Variants in TRMT9B observed in about 807,000 individuals in gnomAD.
TRMT9B encodes the protein tRNA methyltransferase 9B (putative), also known as probable tRNA methyltransferase 9B.
Under a neutral mutation model 11.5 loss-of-function variants are expected in TRMT9B, and 16 were observed. The ratio of observed to expected loss-of-function variants is 1.39; its 90% CI spans 0.94 to 2.11. The LOEUF is 2.11. Ranked by LOEUF, TRMT9B falls within the 30% of genes most tolerant of loss-of-function variation. The pLI, the probability that TRMT9B is intolerant of heterozygous loss-of-function variation, is 0.00. For synonymous variants in TRMT9B, 274 were observed against 192.4 expected (o/e 1.42, Z -3.51); for missense variants, 941 against 553.8 (o/e 1.70, Z -7.02).
At chr8:13,011,850 T>A in intron 3 of TRMT9B, 2 of 973,414 alleles carry the variant, frequency 2.1e-6, no homozygotes, top group Non-Finnish European at 2.4e-6. Flanking sequence ...ATGTTAAAAA[T>A]TCTTTTCTAA....
At chr8:12,982,918 T>C (rs1805651204) in intron 1 of TRMT9B, among the ~76,000 whole-genome samples, 1 of 152,194 alleles carries the variant, frequency 6.6e-6, no homozygotes, top group Non-Finnish European at 1.5e-5. Context: ...GCTATCTATG[T>C]TTTCCTCGCA....
chr8:12,950,265 G>A (rs1800489909), intron 1 of TRMT9B, among the ~76,000 whole-genome samples: 1 of 152,168 alleles, frequency 6.6e-6, no homozygotes, highest in Non-Finnish European at 1.5e-5. Flanking sequence ...AAAAGTTAAG[G>A]TAGGTTACTT....
intron 2 of TRMT9B, among the ~76,000 whole-genome samples, chr8:13,002,694 T>C (rs1163450211): frequency 6.6e-6 from 1 of 152,206 alleles, no homozygotes; most frequent in Non-Finnish European, 1.5e-5. Context: ...TCGGTGATAC[T>C]TGTAGTAATA....
At chr8:12,975,616 T>C (rs1804329090) in intron 1 of TRMT9B, among the ~76,000 whole-genome samples, 1 of 152,140 alleles carries the variant, frequency 6.6e-6, no homozygotes, top group Non-Finnish European at 1.5e-5. Context: ...CATGTGTCTG[T>C]AATCCCAGCT....
chr8:12,976,510 C>T (rs11997789), intron 1 of TRMT9B, among the ~76,000 whole-genome samples: 53,079 of 151,520 alleles, frequency 0.35, 9,678 homozygotes, highest in Middle Eastern at 0.54. Flanking sequence ...GAGGCAGAAG[C>T]GGGCGGATCA....
chr8:12,956,489 T>A (rs777849961), intron 1 of TRMT9B, among the ~76,000 whole-genome samples: 5 of 152,210 alleles, frequency 3.3e-5, no homozygotes, highest in Non-Finnish European at 5.9e-5. Context: ...ACTAATTGAA[T>A]GAAAATAATG....
At chr8:12,990,466 G>C (rs1807143992) in intron 1 of TRMT9B, among the ~76,000 whole-genome samples, 1 of 152,166 alleles carries the variant, frequency 6.6e-6, no homozygotes, top group African/African-American at 2.4e-5. Flanking sequence ...ATATTGAGCA[G>C]TCCAATTGTA....
At chr8:13,010,152 A>T in intron 3 of TRMT9B, 2 of 685,924 alleles carry the variant, frequency 2.9e-6, no homozygotes, top group Non-Finnish European at 3.6e-6. Flanking sequence ...AAAAAAAAAA[A>T]GTCTCACAAA....
intron 1 of TRMT9B, among the ~76,000 whole-genome samples, chr8:12,963,870 A>T (rs1053793381): frequency 1.3e-5 from 2 of 152,232 alleles, no homozygotes; most frequent in Non-Finnish European, 2.9e-5. Context: ...GTGGCATGAT[A>T]GATCTGTGGA....
At chr8:12,957,993 T>C (rs563783158) in intron 1 of TRMT9B, among the ~76,000 whole-genome samples, 55 of 152,226 alleles carry the variant, frequency 3.6e-4, no homozygotes, top group African/African-American at 1.1e-3. Context: ...AAAATATCAA[T>C]AAGGGATTCC....
chr8:12,976,870 G>A (rs973374070), intron 1 of TRMT9B, among the ~76,000 whole-genome samples: 2 of 152,132 alleles, frequency 1.3e-5, no homozygotes, highest in African/African-American at 4.8e-5. Context: ...GCAGGCAAAG[G>A]ACAAAGCCAT....
intron 4 of TRMT9B, among the ~76,000 whole-genome samples, chr8:13,016,169 A>AT (rs1812624062): frequency 1.0e-5 from 1 of 97,368 alleles, no homozygotes; most frequent in Non-Finnish European, 2.1e-5. Flanking sequence ...TCATATATAT[A>AT]AACATATATA....
chr8:12,958,329 A>G (rs1563310877), intron 1 of TRMT9B: 2 of 152,144 alleles, frequency 1.3e-5, no homozygotes, highest in African/African-American at 4.8e-5. Flanking sequence ...CCTGCTTTCA[A>G]TTCTTTTAGG....
intron 1 of TRMT9B, among the ~76,000 whole-genome samples, chr8:12,968,362 G>C (rs533531568): frequency 6.6e-6 from 1 of 152,292 alleles, no homozygotes; most frequent in African/African-American, 2.4e-5. Context: ...AATCTAGAAA[G>C]CCTCAGGCTT....
At chr8:13,018,015 T>A (rs1223199393) in intron 4 of TRMT9B, among the ~76,000 whole-genome samples, 1 of 151,144 alleles carries the variant, frequency 6.6e-6, no homozygotes, top group Non-Finnish European at 1.5e-5. Context: ...CGACTGATAT[T>A]CCTGGGTGAA....
chr8:13,002,058 T>C (rs1809541754), intron 2 of TRMT9B, among the ~76,000 whole-genome samples: 1 of 152,196 alleles, frequency 6.6e-6, no homozygotes, highest in South Asian at 2.1e-4. Context: ...TAAAGTTAAC[T>C]GTAAAATATC....
At chr8:12,952,270 C>A in intron 1 of TRMT9B, 1 of 407,134 alleles carries the variant, frequency 2.5e-6, no homozygotes, top group Non-Finnish European at 5.1e-6. Context: ...CCTAGATCCG[C>A]TGCCTCGGCG....
At chr8:12,970,607 A>T (rs974386730) in intron 1 of TRMT9B, among the ~76,000 whole-genome samples, 1 of 152,232 alleles carries the variant, frequency 6.6e-6, no homozygotes, top group Non-Finnish European at 1.5e-5. Flanking sequence ...AATGTATTCA[A>T]ATGTGTGAGA....
chr8:12,979,346 C>A (rs554228650), intron 1 of TRMT9B, among the ~76,000 whole-genome samples: 1 of 152,072 alleles, frequency 6.6e-6, no homozygotes, highest in Non-Finnish European at 1.5e-5. Flanking sequence ...ATTTCAGCTG[C>A]CTTAGCACTA....
Sources: allele counts gnomAD v4.1 joint callset (sites outside exome capture counted in the v4.1 genomes callset), GRCh38; gene constraint gnomAD v4.1.1; transcripts MANE v1.5; gene names NCBI Gene and HGNC (gene_info 2026-07-23, HGNC 2026-07-21).